The following TMEM178B variants were observed in gnomAD, a reference collection of about 807,000 sequenced individuals.
The protein encoded by TMEM178B is transmembrane protein 178B.
In TMEM178B, 5 loss-of-function variants were observed where a neutral mutation model predicts 31.0. That is an observed-to-expected ratio of 0.16 (90% CI 0.08 to 0.34). TMEM178B has a LOEUF of 0.34. Among genes scored for constraint, TMEM178B ranks in the 10% least tolerant of loss-of-function variants. The pLI is 1.00. For synonymous variants in TMEM178B, 164 were observed against 164.0 expected (o/e 1.00, Z 0.00); for missense variants, 275 against 400.3 (o/e 0.69, Z 2.67).
chr7:141,452,143 A>G (rs1250219291), intron 3 of TMEM178B, among the ~76,000 whole-genome samples: 1 of 152,134 alleles, frequency 6.6e-6, no homozygotes, highest in Non-Finnish European at 1.5e-5. Flanking sequence ...ACCCACCATC[A>G]CAGTGATGAT....
At chr7:141,437,472 C>T in intron 2 of TMEM178B, 136 bp from the exon 3 acceptor site, 1 of 1,160,940 alleles carries the variant, frequency 8.6e-7, no homozygotes, top group Non-Finnish European at 1.2e-6. Flanking sequence ...ATTGTGTGCT[C>T]CTATCTGAGA....
intron 2 of TMEM178B, among the ~76,000 whole-genome samples, chr7:141,431,609 G>C (rs1374834685): frequency 6.6e-6 from 1 of 152,220 alleles, no homozygotes; most frequent in African/African-American, 2.4e-5. Flanking sequence ...TTCGTGAGGA[G>C]ATTTTTCTCT....
intron 1 of TMEM178B, among the ~76,000 whole-genome samples, chr7:141,076,282 C>T (rs1794599302): frequency 6.6e-6 from 1 of 152,170 alleles, no homozygotes; most frequent in African/African-American, 2.4e-5. Flanking sequence ...TTTTGAGATT[C>T]TCAGATTTAT....
chr7:141,224,800 C>T (rs113380858), intron 2 of TMEM178B, among the ~76,000 whole-genome samples: 1 of 152,160 alleles, frequency 6.6e-6, no homozygotes, highest in Non-Finnish European at 1.5e-5. Flanking sequence ...TGCGATGACA[C>T]CCCTTGGAGA....
chr7:141,263,842 C>G (rs1158282860), intron 2 of TMEM178B, among the ~76,000 whole-genome samples: 1 of 152,152 alleles, frequency 6.6e-6, no homozygotes, highest in Admixed American at 6.5e-5. Context: ...TTCCATAGTT[C>G]TGTAGAAGGA....
rs555591661 is a variant in TMEM178B at position 141,128,927 on chromosome 7, A to C, written c.382+54235A>C. ...TTGTAATTAAACACCATGATTGGAG[A>C]TATATTACCCATATTGCTCCTCAGA... is the stretch of plus-strand genomic sequence containing the variant. On this transcript the variant is annotated intron_variant, in intron 1 of 3. Coordinates refer to ENST00000565468, the MANE Select transcript of TMEM178B (RefSeq NM_001195278.2). Among the ~76,000 whole-genome samples, 10 of 152,278 alleles carry C rather than the reference A, an allele frequency of 6.6e-5. No individual in the cohort carries two copies. The East Asian group carries it at 1.9e-3, about 29-fold the overall frequency.
In TMEM178B at chr7:141,074,270, T is replaced by A. The variant is rs1794558355; in HGVS notation, c.-41T>A. On this transcript the variant is annotated 5_prime_UTR_variant, in exon 1 of 4. Coordinates refer to ENST00000565468, the MANE Select transcript of TMEM178B (RefSeq NM_001195278.2). The surrounding 1 kb of genome is among the most constrained non-coding windows in gnomAD (Gnocchi z 5.1). ...CGGGTGCGGCGAGGGAAGGCGAGGC[T>A]GCGGCGGATCATGCCCATGGTGTAG... 2 of 1,463,122 alleles carry A rather than the reference T, an allele frequency of 1.4e-6. No individual in the cohort carries two copies. Among genetic ancestry groups the A allele is most frequent in the South Asian group, 2.7e-5 (2 of 73,332 alleles). 90.6% of individuals were successfully genotyped at this position (1,463,122 alleles called of 1,614,324 possible). A position where few individuals can be genotyped will look rare whatever the true frequency, so the allele number is the denominator to read the frequency against.
At chr7:141,285,175 T>C (rs868391950) in intron 2 of TMEM178B, among the ~76,000 whole-genome samples, 1 of 145,242 alleles carries the variant, frequency 6.9e-6, no homozygotes, top group African/African-American at 2.5e-5. Flanking sequence ...TTTTTTTTTT[T>C]TTTGAGACGT....
rs982749943 is a variant in TMEM178B, at chr7:141,475,426, G to C, written c.*4640G>C. On this transcript the variant is annotated 3_prime_UTR_variant, in exon 4 of 4. Coordinates refer to ENST00000565468, the MANE Select transcript of TMEM178B (RefSeq NM_001195278.2). ...TGGATTTCTTTCCTGAATAATAACTGCTCATTGTAGAAAATAAGAAAAATA... is the reference window on the plus strand; with the variant it reads ...TGGATTTCTTTCCTGAATAATAACTCCTCATTGTAGAAAATAAGAAAAATA... 1 of 152,126 alleles carries C rather than the reference G, an allele frequency of 6.6e-6. No individual in the cohort carries two copies. The highest frequency in any genetic ancestry group is 1.5e-5 in the Non-Finnish European group (1 of 68,012). 9.4% of individuals were successfully genotyped at this position (152,126 alleles called of 1,614,324 possible). A position where few individuals can be genotyped will look rare whatever the true frequency, so the allele number is the denominator to read the frequency against.
At chr7:141,310,155 C>A (rs1798883374) in intron 2 of TMEM178B, among the ~76,000 whole-genome samples, 3 of 152,134 alleles carry the variant, frequency 2.0e-5, no homozygotes, top group African/African-American at 7.2e-5. Context: ...AGACAACCTA[C>A]AGAATGGGAG....
intron 1 of TMEM178B, among the ~76,000 whole-genome samples, chr7:141,127,520 G>A (rs982760283): frequency 1.3e-5 from 2 of 152,192 alleles, no homozygotes; most frequent in Non-Finnish European, 2.9e-5. Context: ...ACGTGAATAT[G>A]TAGGCAGAGA....
intron 3 of TMEM178B, among the ~76,000 whole-genome samples, chr7:141,452,608 C>A (rs190337896): frequency 6.6e-6 from 1 of 152,166 alleles, no homozygotes; most frequent in Non-Finnish European, 1.5e-5. Flanking sequence ...GTCATTTAGC[C>A]CTTGGTGGAA....
intron 2 of TMEM178B, among the ~76,000 whole-genome samples, chr7:141,418,504 G>A (rs2116647695): frequency 6.6e-6 from 1 of 152,286 alleles, no homozygotes; most frequent in East Asian, 1.9e-4. Context: ...ATGATCTTAT[G>A]TCTTATTTGA....
At chr7:141,357,099 A>G (rs1799833582) in intron 2 of TMEM178B, among the ~76,000 whole-genome samples, 1 of 152,156 alleles carries the variant, frequency 6.6e-6, no homozygotes, top group South Asian at 2.1e-4. Context: ...ACCATCTCCA[A>G]CTTTCTTCTG....
intron 1 of TMEM178B, among the ~76,000 whole-genome samples, chr7:141,125,679 C>T (rs535580708): frequency 2.5e-4 from 30 of 118,952 alleles, no homozygotes; most frequent in Admixed American, 2.1e-3. Flanking sequence ...GACTCCATCT[C>T]GAAAAAAAAA....
At chr7:141,320,176 A>G (rs1263964863) in intron 2 of TMEM178B, among the ~76,000 whole-genome samples, 1 of 152,036 alleles carries the variant, frequency 6.6e-6, no homozygotes, top group South Asian at 2.1e-4. Flanking sequence ...GTCTTCCACC[A>G]TGATTGTAAG....
At chr7:141,169,311 C>T (rs1796310972) in intron 1 of TMEM178B, among the ~76,000 whole-genome samples, 1 of 152,166 alleles carries the variant, frequency 6.6e-6, no homozygotes, top group African/African-American at 2.4e-5. Flanking sequence ...TTTTCTGTTC[C>T]TGTTTTAGTT....
intron 2 of TMEM178B, among the ~76,000 whole-genome samples, chr7:141,325,441 C>T (rs1409186287): frequency 6.6e-6 from 1 of 152,112 alleles, no homozygotes. Flanking sequence ...AAGGGTATCC[C>T]CAGGATACTC....
rs150420869 is a variant in TMEM178B at position 141,344,312 on chromosome 7, G to A, written c.497-93296G>A. Among the ~76,000 whole-genome samples the A allele has an allele frequency of 5.1e-3, 781 of 152,250 alleles. 11 individuals carry two copies. The highest frequency in any genetic ancestry group is 0.018 in the African/African-American group (738 of 41,552). Reference sequence around the variant, plus strand: ...TGAGTAACTGGTCCTTAGCCACAGAGTTCAAGATGTTGGTTTCAGATCTCT... The same window carrying A: ...TGAGTAACTGGTCCTTAGCCACAGAATTCAAGATGTTGGTTTCAGATCTCT... On this transcript the variant is annotated intron_variant, in intron 2 of 3. Transcript: ENST00000565468. This position sits in a 1 kb window ranked among gnomAD's most constrained non-coding sequence, Gnocchi z 4.1.
Sources: gnomAD v4.1 joint callset for allele counts (sites outside exome capture counted in the v4.1 genomes callset) on GRCh38, gnomAD v4.1.1 for gene constraint, Gnocchi (gnomAD v3.1) non-coding constraint, MANE v1.5 for transcripts, NCBI Gene and HGNC (gene_info 2026-07-23, HGNC 2026-07-21) for gene names.